The following SAMD5 variants were observed in gnomAD, a reference collection of about 807,000 sequenced individuals.
SAMD5 encodes the protein sterile alpha motif domain containing 5.
A neutral mutation model predicts 11.3 loss-of-function variants in SAMD5; 13 were observed. The observed-to-expected ratio is 1.15, with a 90% CI of 0.75 to 1.83. The LOEUF (loss-of-function observed/expected upper bound fraction) is 1.83. Among genes scored for constraint, SAMD5 ranks in the 40% most tolerant of loss-of-function variants. SAMD5 has a pLI of 0.00. For missense variants in SAMD5, 255 were observed against 239.1 expected, an observed-to-expected ratio of 1.07 and a Z score of -0.44; for synonymous variants, 129 against 111.3, an observed-to-expected ratio of 1.16 and a Z score of -1.00.
chr6:147,699,769 T>A (rs1246214332), intron 1 of SAMD5, among the ~76,000 whole-genome samples: 1 of 152,186 alleles, frequency 6.6e-6, no homozygotes, highest in East Asian at 1.9e-4. Context: ...TTCAAAACAG[T>A]TCAGGGTGTA....
the SAMD5 span, among the ~76,000 whole-genome samples, chr6:147,921,378 G>A: frequency 0.1 from 15,610 of 151,436 alleles, 863 homozygotes; most frequent in Non-Finnish European, 0.12. Flanking sequence ...AAACATGTTC[G>A]TATTAGAATA....
chr6:147,671,544 G>A (rs1279861945), intron 1 of SAMD5, among the ~76,000 whole-genome samples: 1 of 152,182 alleles, frequency 6.6e-6, no homozygotes, highest in Non-Finnish European at 1.5e-5. Context: ...CTACCAAATT[G>A]TTCCCAGAAT....
At chr6:147,660,737 G>A (rs942800132) in intron 1 of SAMD5, 1 of 152,250 alleles carries the variant, frequency 6.6e-6, no homozygotes, top group South Asian at 2.1e-4. Flanking sequence ...GCGTTAAGAT[G>A]TGGCTACTTC....
At chr6:147,764,686 T>C in the SAMD5 span, among the ~76,000 whole-genome samples, 13 of 152,184 alleles carry the variant, frequency 8.5e-5, no homozygotes, top group East Asian at 2.5e-3. Flanking sequence ...AGTCCTCCCA[T>C]CTGAGTTTCT....
chr6:147,912,515 G>T, the SAMD5 span, among the ~76,000 whole-genome samples: 1 of 152,094 alleles, frequency 6.6e-6, no homozygotes, highest in South Asian at 2.1e-4. Context: ...ATCATCTTAG[G>T]TCCATTTCTA....
chr6:147,568,776 C>T lies in SAMD5; in HGVS notation c.*4320C>T, dbSNP rs1789084441. The T allele has an allele frequency of 2.1e-6, 2 of 967,072 alleles. No homozygotes were observed. Among genetic ancestry groups the T allele is most frequent in the African/African-American group, 1.8e-5 (1 of 56,830 alleles). The allele number at this position is 967,072 out of a possible 1,614,324, so 59.9% of individuals were successfully genotyped here. A position where few individuals can be genotyped will look rare whatever the true frequency, so the allele number is the denominator to read the frequency against. ...ACATATTCCTACATCAGATATTTTA[C>T]ACTATCAGATTCTTTGATTAAAAAA... On this transcript the variant is annotated 3_prime_UTR_variant, in exon 2 of 2. Transcript: ENST00000367474.
chr6:147,681,979 C>T (rs1347708802), intron 1 of SAMD5, among the ~76,000 whole-genome samples: 6 of 152,184 alleles, frequency 3.9e-5, no homozygotes, highest in Non-Finnish European at 2.9e-5. Context: ...TAGTAACATA[C>T]ATGTACTAAT....
At chr6:147,643,724 A>C (rs1220715258) in intron 1 of SAMD5, among the ~76,000 whole-genome samples, 2 of 140,352 alleles carry the variant, frequency 1.4e-5, no homozygotes, top group Admixed American at 1.5e-4. Context: ...GAAAAGAGGG[A>C]AAGAGAAAGA....
At chr6:147,885,991 T>C in the SAMD5 span, among the ~76,000 whole-genome samples, 1 of 152,212 alleles carries the variant, frequency 6.6e-6, no homozygotes, top group African/African-American at 2.4e-5. Context: ...ACTCATTCTT[T>C]AGGGCTAACA....
chr6:147,663,348 C>T (rs937960544), intron 1 of SAMD5, among the ~76,000 whole-genome samples: 1 of 152,044 alleles, frequency 6.6e-6, no homozygotes, highest in Non-Finnish European at 1.5e-5. Context: ...GGGAACAGAT[C>T]AGGAAAAAGA....
the SAMD5 span, among the ~76,000 whole-genome samples, chr6:147,841,485 A>G: frequency 6.6e-6 from 1 of 152,232 alleles, no homozygotes; most frequent in Non-Finnish European, 1.5e-5. Flanking sequence ...ATTTAATAGA[A>G]TGAGAGCTCA....
At chr6:147,615,196 G>T (rs1202573980) in intron 1 of SAMD5, among the ~76,000 whole-genome samples, 1 of 150,224 alleles carries the variant, frequency 6.7e-6, no homozygotes, top group Admixed American at 6.6e-5. Flanking sequence ...AAATTATACT[G>T]CAATTTTTTA....
chr6:147,535,429 G>A (rs1315556986), intron 1 of SAMD5, among the ~76,000 whole-genome samples: 1 of 152,188 alleles, frequency 6.6e-6, no homozygotes, highest in Non-Finnish European at 1.5e-5. Flanking sequence ...ATTTTAACCT[G>A]CACATAATTT....
rs34595414 is a variant in SAMD5 at position 147,649,790 on chromosome 6, CAA to C, written c.163-87510_163-87509del. Among the ~76,000 whole-genome samples the C allele has an allele frequency of 5.0e-3, 533 of 106,384 alleles. 3 individuals carry two copies. The highest frequency in any genetic ancestry group is 0.014 in the African/African-American group (362 of 26,512). 69.8% of individuals were successfully genotyped at this position (106,384 alleles called of 152,430 possible). On this transcript the variant is annotated intron_variant, in intron 1 of 1. Transcript: ENST00000566741. ...TTGGCAATAGAGCGAGACAACGTCT[CAA>C]AAAAAAAAAAAAAAAAGTACCAACA...
At chr6:147,729,404 A>G (rs1256091356) in intron 1 of SAMD5, among the ~76,000 whole-genome samples, 1 of 152,232 alleles carries the variant, frequency 6.6e-6, no homozygotes, top group Non-Finnish European at 1.5e-5. Context: ...AAGTGCCCCA[A>G]TGGAGGAATT....
intron 1 of SAMD5, among the ~76,000 whole-genome samples, chr6:147,682,331 G>A (rs1206339417): frequency 1.3e-5 from 2 of 152,174 alleles, no homozygotes; most frequent in Non-Finnish European, 2.9e-5. Context: ...CAAGTGGGAG[G>A]ATAAATGCGG....
At chr6:147,721,583 T>C (rs1052464479) in intron 1 of SAMD5, among the ~76,000 whole-genome samples, 5 of 152,234 alleles carry the variant, frequency 3.3e-5, no homozygotes, top group African/African-American at 9.6e-5. Context: ...GAGTTCATTG[T>C]AGATTCTGGA....
chr6:147,885,249 A>G, the SAMD5 span, among the ~76,000 whole-genome samples: 1 of 152,152 alleles, frequency 6.6e-6, no homozygotes, highest in Non-Finnish European at 1.5e-5. Flanking sequence ...ATTTGAGGCC[A>G]GGAGTTGGTG....
chr6:147,707,646 A>G (rs1306451037), intron 1 of SAMD5, among the ~76,000 whole-genome samples: 4 of 152,046 alleles, frequency 2.6e-5, no homozygotes, highest in African/African-American at 9.7e-5. Flanking sequence ...TGTCCTTTGA[A>G]CTTGTTTGCA....
Sources: allele counts gnomAD v4.1 joint callset (sites outside exome capture counted in the v4.1 genomes callset), GRCh38; gene constraint gnomAD v4.1.1; transcripts MANE v1.5; gene names NCBI Gene and HGNC (gene_info 2026-07-23, HGNC 2026-07-21).